Variants in UST observed in about 807,000 individuals in gnomAD.
UST encodes chondroitin sulfate 2-O-sulfotransferase.
In UST, 21 loss-of-function variants were observed where a neutral mutation model predicts 45.6. The ratio of observed to expected loss-of-function variants is 0.46; its 90% CI spans 0.33 to 0.66. The LOEUF is 0.66. Among genes scored for constraint, UST ranks in the 30% least tolerant of loss-of-function variants. The probability of loss-of-function intolerance (pLI) is 0.02; values close to 1 mark genes in which losing one functional copy is unlikely to be tolerated. For missense variants in UST, 463 were observed against 512.4 expected, an observed-to-expected ratio of 0.90 and a Z score of 0.93; for synonymous variants, 215 against 200.6, an observed-to-expected ratio of 1.07 and a Z score of -0.61.
At chr6:148,756,780 T>G (rs1459257170) in intron 1 of UST, among the ~76,000 whole-genome samples, 1 of 152,224 alleles carries the variant, frequency 6.6e-6, no homozygotes, top group East Asian at 1.9e-4. Context: ...ACATCTCTTC[T>G]GGGTGCTCCA....
At chr6:148,947,860 T>C (rs1562309127) in intron 3 of UST, among the ~76,000 whole-genome samples, 1 of 151,358 alleles carries the variant, frequency 6.6e-6, no homozygotes, top group Non-Finnish European at 1.5e-5. Flanking sequence ...CACACAGCCC[T>C]GCAGACGTCT....
chr6:148,786,490 T>G (rs1776738203), intron 1 of UST, among the ~76,000 whole-genome samples: 1 of 152,204 alleles, frequency 6.6e-6, no homozygotes, highest in African/African-American at 2.4e-5. Flanking sequence ...CATGCTGTAT[T>G]TGGTTTTCTG....
chr6:148,786,634 A>G (rs554676136), intron 1 of UST, among the ~76,000 whole-genome samples: 1 of 152,158 alleles, frequency 6.6e-6, no homozygotes, highest in Non-Finnish European at 1.5e-5. Flanking sequence ...TATCAAGTCT[A>G]TCACTGATGA....
chr6:148,915,574 G>A (rs1779572812), intron 2 of UST, among the ~76,000 whole-genome samples: 1 of 152,174 alleles, frequency 6.6e-6, no homozygotes, highest in Admixed American at 6.5e-5. Flanking sequence ...CCCACTGTGG[G>A]AAGCTGTCAA....
intron 2 of UST, among the ~76,000 whole-genome samples, chr6:148,913,626 A>G (rs908225378): frequency 6.6e-6 from 1 of 152,096 alleles, no homozygotes; most frequent in Non-Finnish European, 1.5e-5. Context: ...TTGATTCCTT[A>G]ACATGAAATG....
chr6:149,022,514 C>T (rs1212352918), intron 7 of UST, among the ~76,000 whole-genome samples: 2 of 152,040 alleles, frequency 1.3e-5, no homozygotes, highest in African/African-American at 4.8e-5. Flanking sequence ...GCAGGAGAAT[C>T]GCTTGAACCT....
intron 1 of UST, among the ~76,000 whole-genome samples, chr6:148,766,368 TCACCCACTTGCTCTCACCCACG>T (rs1393377811): frequency 1.2e-4 from 18 of 150,414 alleles, no homozygotes; most frequent in Admixed American, 1.2e-3. Flanking sequence ...TCTCACCCAC[TCACCCACTTGCTCTCACCCACG>T]CACCCACTTG....
At chr6:148,995,242 C>G (rs543190823) in intron 5 of UST, among the ~76,000 whole-genome samples, 2 of 152,288 alleles carry the variant, frequency 1.3e-5, no homozygotes, top group South Asian at 4.1e-4. Flanking sequence ...AGGCTGGTCT[C>G]GAACTCCTGG....
intron 2 of UST, among the ~76,000 whole-genome samples, chr6:148,890,294 C>T (rs902664963): frequency 6.6e-6 from 1 of 152,102 alleles, no homozygotes; most frequent in African/African-American, 2.4e-5. Context: ...CCTTAAGTGT[C>T]CCCTGGGGTG....
intron 1 of UST, among the ~76,000 whole-genome samples, chr6:148,841,037 T>A (rs1777877114): frequency 1.1e-5 from 1 of 93,758 alleles, no homozygotes; most frequent in Admixed American, 1.3e-4. Context: ...CAAGAACATT[T>A]TGAAATGAAA....
At chr6:148,795,541 C>A (rs1339666241) in intron 1 of UST, among the ~76,000 whole-genome samples, 2 of 151,906 alleles carry the variant, frequency 1.3e-5, no homozygotes, top group Non-Finnish European at 2.9e-5. Context: ...AGCTTTTTTT[C>A]TCTACTATAT....
chr6:148,836,354 G>A (rs149581783), intron 1 of UST, among the ~76,000 whole-genome samples: 9 of 152,234 alleles, frequency 5.9e-5, no homozygotes, highest in Admixed American at 3.9e-4. Context: ...TCACATTTGC[G>A]TGTGTTAACT....
rs552939548 is a variant in UST at position 148,764,235 on chromosome 6, T to G, written c.247+16558T>G. Among the ~76,000 whole-genome samples, 6 of 152,296 alleles carry G rather than the reference T, an allele frequency of 3.9e-5. No individual in the cohort carries two copies. In the East Asian group the frequency reaches 9.7e-4, roughly 25 times the overall value. ...CTTGGTTAAATGCATTCCTAGGAGTTTTATTATTTTTTGTGGCTATTGTAA... is the reference window on the plus strand; with the variant it reads ...CTTGGTTAAATGCATTCCTAGGAGTGTTATTATTTTTTGTGGCTATTGTAA... On this transcript the variant is annotated intron_variant, in intron 1 of 7. Transcript: ENST00000367463.
chr6:149,070,172 G>A (rs1032143822), intron 7 of UST, among the ~76,000 whole-genome samples: 4 of 152,188 alleles, frequency 2.6e-5, no homozygotes, highest in Admixed American at 2.0e-4. Flanking sequence ...CTAAGAGGAA[G>A]GGATTGAAGG....
chr6:148,916,586 A>G (rs1023430320), intron 2 of UST, among the ~76,000 whole-genome samples: 10 of 152,302 alleles, frequency 6.6e-5, no homozygotes, highest in African/African-American at 2.4e-4. Context: ...CTTAGGCCCT[A>G]GAACTTGCCA....
intron 7 of UST, among the ~76,000 whole-genome samples, chr6:149,057,155 CCTAT>C (rs749988869): frequency 1.3e-5 from 2 of 152,112 alleles, no homozygotes; most frequent in African/African-American, 2.4e-5. Flanking sequence ...CTGTGATAGC[CCTAT>C]CTGAGTACCC....
intron 1 of UST, among the ~76,000 whole-genome samples, chr6:148,760,030 G>C (rs900905961): frequency 6.6e-6 from 1 of 152,080 alleles, no homozygotes; most frequent in Non-Finnish European, 1.5e-5. Flanking sequence ...CAAATATAAG[G>C]CTATTTTCTT....
intron 5 of UST, among the ~76,000 whole-genome samples, chr6:148,998,158 G>C (rs1387186226): frequency 1.3e-5 from 2 of 152,120 alleles, no homozygotes; most frequent in Non-Finnish European, 2.9e-5. Context: ...TGGCCCAAAG[G>C]GGCCATAAAT....
At chr6:148,769,465 T>G (rs982292195) in intron 1 of UST, among the ~76,000 whole-genome samples, 1 of 152,242 alleles carries the variant, frequency 6.6e-6, no homozygotes, top group Non-Finnish European at 1.5e-5. Flanking sequence ...TCAGAAGTCT[T>G]CTGTTTGTGT....
Sources: allele counts gnomAD v4.1 joint callset (sites outside exome capture counted in the v4.1 genomes callset), GRCh38; gene constraint gnomAD v4.1.1; transcripts MANE v1.5; gene names NCBI Gene and HGNC (gene_info 2026-07-23, HGNC 2026-07-21).